Variants in PIEZO1 observed in about 807,000 individuals in gnomAD.
PIEZO1 encodes the protein piezo-type mechanosensitive ion channel component 1.
Under a neutral mutation model 297.2 loss-of-function variants are expected in PIEZO1, and 296 were observed. The ratio of observed to expected loss-of-function variants is 1.00; its 90% confidence interval spans 0.91 to 1.10. The LOEUF (loss-of-function observed/expected upper bound fraction) is 1.10, where lower values mean the gene tolerates loss of function less well. Ranked by LOEUF, PIEZO1 falls within the 50% of genes least tolerant of loss-of-function variation. The pLI is 0.00. For missense variants in PIEZO1, 5,018 were observed against 3,455.5 expected, an observed-to-expected ratio of 1.45 and a Z score of -11.34; for synonymous variants, 2,427 against 1,507.5, an observed-to-expected ratio of 1.61 and a Z score of -14.13.
chr16:88,762,745 T>G (rs918668334), intron 1 of PIEZO1, among the ~76,000 whole-genome samples: 1 of 152,186 alleles, frequency 6.6e-6, no homozygotes, highest in Non-Finnish European at 1.5e-5. Flanking sequence ...TGAGGCACGG[T>G]GGGCTTACAG....
At chr16:88,768,049 G>C (rs951917353) in intron 1 of PIEZO1, among the ~76,000 whole-genome samples, 6 of 152,228 alleles carry the variant, frequency 3.9e-5, no homozygotes, top group African/African-American at 1.2e-4. Flanking sequence ...TTAAAGCAGA[G>C]GTCTGCAAAG....
chr16:88,747,536 A>G (rs554605831), intron 2 of PIEZO1, among the ~76,000 whole-genome samples: 2 of 152,272 alleles, frequency 1.3e-5, no homozygotes, highest in East Asian at 1.9e-4. Flanking sequence ...AATAAAAAAG[A>G]CCATTGCCCA....
At chr16:88,780,104 G>A (rs1456523897) in intron 1 of PIEZO1, among the ~76,000 whole-genome samples, 1 of 152,164 alleles carries the variant, frequency 6.6e-6, no homozygotes, top group African/African-American at 2.4e-5. Context: ...GCCGCCACCA[G>A]GTCGGCCACC....
intron 1 of PIEZO1, among the ~76,000 whole-genome samples, chr16:88,761,642 G>A (rs1906938310): frequency 6.6e-6 from 1 of 152,120 alleles, no homozygotes; most frequent in African/African-American, 2.4e-5. Context: ...CCCCAGCATG[G>A]CAGGAGACCA....
chr16:88,781,422 C>A (rs1907932340), intron 1 of PIEZO1, among the ~76,000 whole-genome samples: 1 of 152,260 alleles, frequency 6.6e-6, no homozygotes, highest in Non-Finnish European at 1.5e-5. Flanking sequence ...CTGGCCCCTT[C>A]CCCAAACACG....
Position 88,727,022 on chromosome 16 carries a change from G to A in PIEZO1, c.3455+17C>T. On this transcript the variant is annotated intron_variant, in intron 24 of 50. Coordinates refer to ENST00000301015, the MANE Select transcript of PIEZO1 (RefSeq NM_001142864.4). ...CCCTCCCAGAAGGTTCCCCGTGGAG[G>A]GTGACGTGGAACCCACCTGCAGTGG... 5 of 1,548,282 alleles carry A rather than the reference G, an allele frequency of 3.2e-6. No individual in the cohort carries two copies. Among genetic ancestry groups the A allele is most frequent in the South Asian group, 1.2e-5 (1 of 84,006 alleles).
chr16:88,738,875 G>A (rs146213103), intron 5 of PIEZO1, 139 bp from the exon 6 acceptor site: 67 of 732,136 alleles, frequency 9.2e-5, no homozygotes, highest in African/African-American at 4.4e-4. Context: ...CAGCCTCCCC[G>A]GGCACAGGCC....
chr16:88,738,719 A>G lies in PIEZO1; in HGVS notation c.483T>C (p.Asp161=). Residue 161 remains aspartate (D), a synonymous_variant, in exon 6 of 51, where the codon GAT becomes GAC. Coordinates refer to ENST00000301015, the MANE Select transcript of PIEZO1 (RefSeq NM_001142864.4). ...HPRELDDDER[D]VDASPTAGLQ... ...GCCCTGCCGTCGGGCTGGCATCCAC[A>G]TCCCTCTCATCATCATCCTGCCAAG... 6.5e-7 allele frequency: 1 copy of G among 1,531,986 alleles called. No homozygotes were observed. The highest frequency in any genetic ancestry group is 8.7e-7 in the Non-Finnish European group (1 of 1,143,852). 94.9% of individuals were successfully genotyped at this position (1,531,986 alleles called of 1,614,324 possible).
chr16:88,779,876 C>T (rs1250588910), intron 1 of PIEZO1, among the ~76,000 whole-genome samples: 1 of 152,214 alleles, frequency 6.6e-6, no homozygotes, highest in Non-Finnish European at 1.5e-5. Flanking sequence ...CCTGGCCCCA[C>T]GATTGTGCGA....
chr16:88,716,050 A>C lies in PIEZO1; in HGVS notation c.7199T>G (p.Phe2400Cys). ...RREQGAGATG[F>C]LEWWVIELQE... ...CAGCTCGATGACCCACCATTCGAGG[A>C]AGCCGGTGGCCCCCGCACCCTGCTC... Residue 2400 changes from phenylalanine to cysteine, a missense_variant, in exon 50 of 51, where the codon TTC becomes TGC. Coordinates refer to ENST00000301015, the MANE Select transcript of PIEZO1 (RefSeq NM_001142864.4). 6.5e-7 allele frequency: 1 copy of C among 1,550,196 alleles called. No individual in the cohort carries two copies. Among genetic ancestry groups the C allele is most frequent in the Non-Finnish European group, 8.7e-7 (1 of 1,146,902 alleles).
intron 1 of PIEZO1, among the ~76,000 whole-genome samples, chr16:88,783,189 C>A (rs911004914): frequency 6.6e-6 from 1 of 152,154 alleles, no homozygotes; most frequent in Non-Finnish European, 1.5e-5. Flanking sequence ...AGATCCCCCA[C>A]GCGGATAGCA....
intron 1 of PIEZO1, among the ~76,000 whole-genome samples, chr16:88,775,372 G>A (rs953498318): frequency 1.3e-5 from 2 of 152,230 alleles, no homozygotes; most frequent in African/African-American, 4.8e-5. Context: ...GGCAGGTAGA[G>A]CCCCTGAGCA....
At chr16:88,765,273 G>A (rs1462678323) in intron 1 of PIEZO1, among the ~76,000 whole-genome samples, 2 of 152,246 alleles carry the variant, frequency 1.3e-5, no homozygotes, top group Non-Finnish European at 2.9e-5. Context: ...AGGCAGCCTG[G>A]AGAGGGGGTG....
chr16:88,741,960 G>A (rs1293536045), intron 4 of PIEZO1, 93 bp downstream of exon 4: 13 of 1,370,934 alleles, frequency 9.5e-6, no homozygotes, highest in Admixed American at 2.0e-5. Context: ...GAGTCTCCAG[G>A]TCCCCCTCTG....
rs1320286707 is a variant in PIEZO1 at position 88,715,971 on chromosome 16, C to G, written c.7278G>C (p.Lys2426Asn). 4 of 1,550,002 alleles carry G rather than the reference C, an allele frequency of 2.6e-6. No individual in the cohort carries two copies. Among genetic ancestry groups the G allele is most frequent in the African/African-American group, 2.7e-5 (2 of 73,030 alleles). The change falls in exon 50 of 51, where the codon AAG (lysine) becomes AAC (asparagine). Residue 2426 changes from lysine to asparagine, a missense_variant. Transcript: ENST00000301015. The part of the protein sequence containing the change: ...NLLPMVIFSD[K>N]VSPPSLGFLA... ...GGAAGCCGAGGCTCGGTGGGCTGAC[C>G]TTGTCACTGAAAATGACCATGGGCA...
chr16:88,715,399 C>G lies in PIEZO1; in HGVS notation c.*206G>C, dbSNP rs543807946. On this transcript the variant is annotated 3_prime_UTR_variant, in exon 51 of 51. Transcript: ENST00000301015. The stretch of plus-strand genomic sequence containing the variant: ...ATTAAAAAAAAAACTCTACAGTACA[C>G]GTGGGGGACGGCAGCGCCACGCAGG... 5.0e-6 allele frequency: 5 copies of G among 1,003,798 alleles called. No individual in the cohort carries two copies. Among genetic ancestry groups the G allele is most frequent in the African/African-American group, 3.2e-5 (2 of 61,780 alleles). 62.2% of individuals were successfully genotyped at this position (1,003,798 alleles called of 1,614,324 possible). A position where few individuals can be genotyped will look rare whatever the true frequency, so the allele number is the denominator to read the frequency against.
chr16:88,743,136 T>C (rs1294852430), intron 2 of PIEZO1: 1 of 456,298 alleles, frequency 2.2e-6, no homozygotes, highest in Non-Finnish European at 4.4e-6. Flanking sequence ...CCCAGCTGCC[T>C]GTGGCCCCAC....
At chr16:88,740,001 C>T (rs1046468187) in intron 5 of PIEZO1, 6 of 145,922 alleles carry the variant, frequency 4.1e-5, no homozygotes, top group Admixed American at 1.4e-4. Context: ...ATGAGGCCAC[C>T]GAGGGGCAGG....
intron 1 of PIEZO1, among the ~76,000 whole-genome samples, chr16:88,780,759 A>C (rs1907893622): frequency 6.6e-6 from 1 of 152,196 alleles, no homozygotes; most frequent in Non-Finnish European, 1.5e-5. Flanking sequence ...TCAGGAGTTC[A>C]AGGCCAGCCT....
Sources: allele counts gnomAD v4.1 joint callset (sites outside exome capture counted in the v4.1 genomes callset), GRCh38; gene constraint gnomAD v4.1.1; transcripts MANE v1.5; gene names NCBI Gene and HGNC (gene_info 2026-07-23, HGNC 2026-07-21).